PANK4: variants seen among roughly 807,000 people sequenced by gnomAD.
PANK4 encodes 4'-phosphopantetheine phosphatase.
PANK4 carries 40 observed loss-of-function variants against 87.9 expected under a neutral mutation model. That is an observed-to-expected ratio of 0.46 (90% CI 0.35 to 0.59). The LOEUF (loss-of-function observed/expected upper bound fraction) is 0.59. Among genes scored for constraint, PANK4 ranks in the 20% least tolerant of loss-of-function variants. The pLI is 0.00. For synonymous variants in PANK4, 524 were observed against 467.4 expected (o/e 1.12, Z -1.56); for missense variants, 926 against 1,072.3 (o/e 0.86, Z 1.90).
chr1:2,514,255 G>T (rs572507714), intron 11 of PANK4, 99 bp downstream of exon 11: 5 of 1,150,402 alleles, frequency 4.3e-6, no homozygotes, highest in Non-Finnish European at 5.2e-6. Context: ...CACCCCCAGC[G>T]AGCTGGGGTC....
chr1:2,513,777 C>G (rs1274888931), intron 12 of PANK4, among the ~76,000 whole-genome samples: 1 of 152,218 alleles, frequency 6.6e-6, no homozygotes, highest in African/African-American at 2.4e-5. Flanking sequence ...CAGTCCCCAC[C>G]CCTAAGTGGC....
chr1:2,513,114 C>G, intron 12 of PANK4, 75 bp from the exon 13 acceptor site: 2 of 1,473,836 alleles, frequency 1.4e-6, no homozygotes, highest in African/African-American at 1.4e-5. Flanking sequence ...CCAGGCGCAG[C>G]CTGTTCCATA....
Position 2,511,974 on chromosome 1 carries a change from C to T in PANK4, c.1728-291G>A, listed in dbSNP as rs563408831. ...TCACTCCCAGGCAGAACAGATACAGCGTTCTTAACATGCTGCGATCCGCAG... is the reference window on the plus strand; with the variant it reads ...TCACTCCCAGGCAGAACAGATACAGTGTTCTTAACATGCTGCGATCCGCAG... On this transcript the variant is annotated intron_variant, in intron 13 of 18. Transcript: ENST00000378466. Among the ~76,000 whole-genome samples, 6 of 152,352 alleles carry T rather than the reference C, an allele frequency of 3.9e-5. No homozygotes were observed. In the East Asian group the frequency reaches 5.8e-4, roughly 15 times the overall value.
At position 2,521,315 on chromosome 1, in the gene PANK4, C is replaced by G; in HGVS notation, c.208G>C (p.Asp70His). The change falls in exon 3 of 19, where the codon GAC becomes CAC. Residue 70 changes from aspartate (D) to histidine (H), a missense_variant and splice_region_variant. Coordinates refer to ENST00000378466, the MANE Select transcript of PANK4 (RefSeq NM_018216.4). ...KVRSFDHSGKDTEREHEPPYE... is the reference protein window; with the variant it reads ...KVRSFDHSGKHTEREHEPPYE... Reference sequence around the variant, plus strand: ...GGCGGCTCATGTTCACGTTCTGTGTCCTGGAAAACAGAGTAGGGGAGGCCG... The same window carrying G: ...GGCGGCTCATGTTCACGTTCTGTGTGCTGGAAAACAGAGTAGGGGAGGCCG... 1 of 1,612,366 alleles carries G rather than the reference C, an allele frequency of 6.2e-7. No homozygotes were observed. Among genetic ancestry groups the G allele is most frequent in the Non-Finnish European group, 8.5e-7 (1 of 1,178,704 alleles).
chr1:2,512,814 T>C, intron 13 of PANK4, 74 bp downstream of exon 13: 1 of 1,501,390 alleles, frequency 6.7e-7, no homozygotes, highest in Admixed American at 1.7e-5. Context: ...CCGCTCCACC[T>C]CCTTGCCCGC....
Position 2,509,050 on chromosome 1 carries a change from T to C in PANK4, c.2119A>G (p.Lys707Glu). ...SPCLDLSRLD[K>E]GLAALVRERG... ...TCCCGCACCAGTGCGGCCAGCCCCT[T>C]ATCCAGGCGGCTTTGGGGAGGAAGA... Residue 707 changes from lysine to glutamate, a missense_variant, in exon 19 of 19, where the codon AAG (lysine) becomes GAG (glutamate). By Grantham distance (56) the Lys-to-Glu change is moderately conservative. Coordinates refer to ENST00000378466, the MANE Select transcript of PANK4 (RefSeq NM_018216.4). The surrounding 1 kb of genome is among the most constrained non-coding windows in gnomAD (Gnocchi z 4.9). 1 of 1,597,418 alleles carries C rather than the reference T, an allele frequency of 6.3e-7. No individual in the cohort carries two copies. Among genetic ancestry groups the C allele is most frequent in the East Asian group, 2.2e-5 (1 of 44,712 alleles).
Position 2,509,946 on chromosome 1 carries a change from T to G in PANK4, c.2040-16A>C. 6.2e-7 allele frequency: 1 copy of G among 1,609,076 alleles called. No homozygotes were observed. The highest frequency in any genetic ancestry group is 2.2e-5 in the East Asian group (1 of 44,688). On this transcript the variant is annotated splice_polypyrimidine_tract_variant and intron_variant, in intron 17 of 18. Transcript: ENST00000378466. The surrounding 1 kb of genome is among the most constrained non-coding windows in gnomAD (Gnocchi z 4.9). ...GAGCGCAGAGCTGCCAGATACAAGGTGGTCAGTGCCCCCAGGAGCTCCCAG... is the reference window on the plus strand; with the variant it reads ...GAGCGCAGAGCTGCCAGATACAAGGGGGTCAGTGCCCCCAGGAGCTCCCAG...
rs1208082211 is a variant in PANK4, at chr1:2,519,427, G to A, written c.854-103C>T. On this transcript the variant is annotated intron_variant, in intron 6 of 18. Transcript: ENST00000378466. This position sits in a 1 kb window ranked among gnomAD's most constrained non-coding sequence, Gnocchi z 8.3. ...GAGAGAGAGCTGAGTGGGAGGGGAG[G>A]GGGAGAGAGAGCTGAGTGGGAGGGG... 6.9e-6 allele frequency: 2 copies of A among 291,412 alleles called. No homozygotes were observed. The highest frequency in any genetic ancestry group is 4.9e-5 in the African/African-American group (2 of 40,538). 18.1% of individuals were successfully genotyped at this position (291,412 alleles called of 1,614,324 possible).
At position 2,515,687 on chromosome 1, in the gene PANK4, T is replaced by C; in HGVS notation, c.1249A>G (p.Arg417Gly). The part of the protein sequence containing the change: ...FDLLEMDRLE[R>G]PLVDLPLLLD... ...AGGAGCGGCAGGTCAACCAGTGGCC[T>C]CTCCAGCCGGTCCATTTCCAGCAAG... Residue 417 changes from arginine (R) to glycine (G), a missense_variant, in exon 10 of 19, where the codon AGG becomes GGG. Arg to Gly is a moderately radical substitution (Grantham distance 125). Coordinates refer to ENST00000378466, the MANE Select transcript of PANK4 (RefSeq NM_018216.4). The surrounding 1 kb of genome is among the most constrained non-coding windows in gnomAD (Gnocchi z 5.0). The C allele has an allele frequency of 6.2e-7, 1 of 1,612,076 alleles. No individual in the cohort carries two copies. The highest frequency in any genetic ancestry group is 8.5e-7 in the Non-Finnish European group (1 of 1,179,758).
rs746192091 is a variant in PANK4, at chr1:2,519,581, T to C, written c.853+220A>G. Among the ~76,000 whole-genome samples, 5 of 152,324 alleles carry C rather than the reference T, an allele frequency of 3.3e-5. No homozygotes were observed. The highest frequency in any genetic ancestry group is 4.1e-4 in the South Asian group (2 of 4,824). On this transcript the variant is annotated intron_variant, in intron 6 of 18. Transcript: ENST00000378466. This position sits in a 1 kb window ranked among gnomAD's most constrained non-coding sequence, Gnocchi z 8.3. ...AAAAAACCCAATCAGGAAACTATTT[T>C]TTCTTCCAAAACCAAGACCGTGGCG...
At position 2,510,449 on chromosome 1, in the gene PANK4, G is replaced by T; in HGVS notation, c.1938+229C>A. On this transcript the variant is annotated intron_variant, in intron 16 of 18. Coordinates refer to ENST00000378466, the MANE Select transcript of PANK4 (RefSeq NM_018216.4). This position sits in a 1 kb window ranked among gnomAD's most constrained non-coding sequence, Gnocchi z 4.9. The stretch of plus-strand genomic sequence containing the variant: ...GCTGTGAGCACCCTTCCAGGAGCCT[G>T]GCGTCAACCCTGGGCTTCAGCACAT... The T allele has an allele frequency of 1.7e-6, 1 of 596,748 alleles. No individual in the cohort carries two copies. The allele number at this position is 596,748 out of a possible 1,614,324, so 37.0% of individuals were successfully genotyped here.
At position 2,514,343 on chromosome 1, in the gene PANK4, T is replaced by C; in HGVS notation, c.1487+11A>G. On this transcript the variant is annotated intron_variant, in intron 11 of 18. Transcript: ENST00000378466. ...AAGAGGTGGCCACACACCGGGGTGC[T>C]GGGCACTTACAAGGGCTGCTGCCTC... 2 of 1,587,826 alleles carry C rather than the reference T, an allele frequency of 1.3e-6. No homozygotes were observed. Among genetic ancestry groups the C allele is most frequent in the South Asian group, 1.1e-5 (1 of 90,636 alleles).
At position 2,520,384 on chromosome 1, in the gene PANK4, C is replaced by T. The variant is rs750721468; in HGVS notation, c.637G>A (p.Gly213Ser). ...VETEDRFEWVGGSSIGGGTFW... is the reference protein window; with the variant it reads ...VETEDRFEWVSGSSIGGGTFW... ...GTGCCGCCTCCAATGGAGCTGCCGC[C>T]GACCCACTCGAACCTGTCCTCCGTC... Residue 213 changes from glycine (G) to serine (S), a missense_variant, in exon 5 of 19, where the codon GGC becomes AGC. Transcript: ENST00000378466. This position sits in a 1 kb window ranked among gnomAD's most constrained non-coding sequence, Gnocchi z 6.2. The T allele has an allele frequency of 1.1e-5, 17 of 1,612,810 alleles. No homozygotes were observed. The highest frequency in any genetic ancestry group is 6.7e-5 in the East Asian group (3 of 44,894).
chr1:2,515,215 C>G lies in PANK4; in HGVS notation c.1374+347G>C. ...GCTGGGGCTGAGTCTCACCCCACCC[C>G]CAGAGTCAGGGTCCCACAATGCCTC... On this transcript the variant is annotated intron_variant, in intron 10 of 18. Coordinates refer to ENST00000378466, the MANE Select transcript of PANK4 (RefSeq NM_018216.4). This position sits in a 1 kb window ranked among gnomAD's most constrained non-coding sequence, Gnocchi z 5.0. 2.2e-6 allele frequency: 1 copy of G among 463,404 alleles called. No individual in the cohort carries two copies. The highest frequency in any genetic ancestry group is 2.5e-5 in the Admixed American group (1 of 40,664). 28.7% of individuals were successfully genotyped at this position (463,404 alleles called of 1,614,324 possible).
Position 2,515,619 on chromosome 1 carries a change from G to A in PANK4, c.1317C>T (p.Thr439=), listed in dbSNP as rs141235510. The A allele has an allele frequency of 3.7e-5, 59 of 1,613,212 alleles. No homozygotes were observed. In the African/African-American group the frequency reaches 4.3e-4, roughly 12 times the overall value. ...PSYVPDTVDL[T]DDALARKYWL... ...AGTATTTTCGGGCCAGAGCGTCATC[G>A]GTGAGGTCCACCGTGTCGGGCACGT... Residue 439 remains threonine (T), a synonymous_variant, in exon 10 of 19, where the codon ACC becomes ACT. Transcript: ENST00000378466. The surrounding 1 kb of genome is among the most constrained non-coding windows in gnomAD (Gnocchi z 5.0).
At chr1:2,521,400 C>T in intron 2 of PANK4, 85 bp from the exon 3 acceptor site, 1 of 1,082,604 alleles carries the variant, frequency 9.2e-7, no homozygotes, top group Non-Finnish European at 1.4e-6. Flanking sequence ...GTGGAGCTGG[C>T]TGTTCGCGCC....
In PANK4 at chr1:2,511,691, G is replaced by C; in HGVS notation, c.1728-8C>G. 2.5e-6 allele frequency: 4 copies of C among 1,584,334 alleles called. No homozygotes were observed. The highest frequency in any genetic ancestry group is 3.5e-6 in the Non-Finnish European group (4 of 1,153,394). On this transcript the variant is annotated splice_region_variant and splice_polypyrimidine_tract_variant and intron_variant, in intron 13 of 18. Transcript: ENST00000378466. Reference sequence around the variant, plus strand: ...GGGTCGGATTCAAGGACACTGCATGGAGGAGGAGAAAAGAAAATTAAGACA... The same window carrying C: ...GGGTCGGATTCAAGGACACTGCATGCAGGAGGAGAAAAGAAAATTAAGACA...
chr1:2,524,651 G>A (rs939691958), intron 1 of PANK4, among the ~76,000 whole-genome samples: 16 of 152,198 alleles, frequency 1.1e-4, no homozygotes, highest in Non-Finnish European at 2.2e-4. Flanking sequence ...CCAGCTCTGC[G>A]GCTTCACTGG....
In PANK4 at chr1:2,521,254, C is replaced by T; in HGVS notation, c.269G>A (p.Arg90Gln). The T allele has an allele frequency of 1.2e-6, 2 of 1,613,954 alleles. No individual in the cohort carries two copies. The highest frequency in any genetic ancestry group is 1.7e-6 in the Non-Finnish European group (2 of 1,179,988). ...ATTCTCAAACTTAATGAAGTGCAGT[C>T]GAGCAGTGATCTCTTCTTGAACTGA... Reference protein sequence around the residue: ...EISVQEEITARLHFIKFENTY... With the variant: ...EISVQEEITAQLHFIKFENTY... The change falls in exon 3 of 19, where the codon CGA becomes CAA. Residue 90 changes from arginine (R) to glutamine (Q), a missense_variant. By Grantham distance (43) the Arg-to-Gln change is conservative (BLOSUM62 1). Coordinates refer to ENST00000378466, the MANE Select transcript of PANK4 (RefSeq NM_018216.4).
Sources: allele counts gnomAD v4.1 joint callset (sites outside exome capture counted in the v4.1 genomes callset), GRCh38; gene constraint gnomAD v4.1.1; non-coding constraint Gnocchi (gnomAD v3.1); transcripts MANE v1.5; gene names NCBI Gene and HGNC (gene_info 2026-07-23, HGNC 2026-07-21).